The following DCTN5 variants were observed in gnomAD, a reference collection of about 807,000 sequenced individuals.
The protein encoded by DCTN5 is dynactin 4.
DCTN5 carries 14 observed loss-of-function variants against 23.5 expected under a neutral mutation model. The observed-to-expected ratio is 0.60, with a 90% CI of 0.39 to 0.93. The LOEUF (loss-of-function observed/expected upper bound fraction) is 0.93, where lower values mean the gene tolerates loss of function less well. Among genes scored for constraint, DCTN5 ranks in the 40% least tolerant of loss-of-function variants. The pLI is 0.00. For missense variants in DCTN5, 156 were observed against 225.9 expected (o/e 0.69, Z 1.98); for synonymous variants, 67 against 79.6 (o/e 0.84, Z 0.84).
intron 1 of DCTN5, 122 bp downstream of exon 1, chr16:23,641,712 T>G (rs1967268013): frequency 5.1e-6 from 5 of 989,076 alleles, no homozygotes; most frequent in Non-Finnish European, 7.8e-6. Flanking sequence ...AGTCCCGGAT[T>G]ATCTAGCGAT....
chr16:23,646,532 T>C (rs755864031), intron 2 of DCTN5, among the ~76,000 whole-genome samples: 1 of 152,172 alleles, frequency 6.6e-6, no homozygotes, highest in Non-Finnish European at 1.5e-5. Flanking sequence ...AGAGCGTTAA[T>C]GGTCTTAGTG....
At chr16:23,658,820 G>T (rs532024266) in intron 3 of DCTN5, among the ~76,000 whole-genome samples, 195 bp downstream of exon 3, 1 of 152,146 alleles carries the variant, frequency 6.6e-6, no homozygotes. Flanking sequence ...AACAGAATCC[G>T]CTTACACACT....
At chr16:23,642,353 CAT>C (rs1256233384) in intron 1 of DCTN5, among the ~76,000 whole-genome samples, 2 of 152,234 alleles carry the variant, frequency 1.3e-5, no homozygotes, top group East Asian at 1.9e-4. Flanking sequence ...CTCTGATACT[CAT>C]AGTCATTATC....
rs1967302474 is a variant in DCTN5, at chr16:23,642,315, T to G, written c.49-640T>G. Among the ~76,000 whole-genome samples, 2 of 152,186 alleles carry G rather than the reference T, an allele frequency of 1.3e-5. 1 individual carries two copies. Among genetic ancestry groups the G allele is most frequent in the South Asian group, 4.1e-4 (2 of 4,830 alleles). ...AGTGGTCAATTAACGTTACTATCGT[T>G]ATTTTGGTTTTCTTTGCTTTCTCAC... On this transcript the variant is annotated intron_variant, in intron 1 of 5. Coordinates refer to ENST00000300087, the MANE Select transcript of DCTN5 (RefSeq NM_032486.4).
chr16:23,642,688 T>C (rs1261808225), intron 1 of DCTN5: 1 of 362,282 alleles, frequency 2.8e-6, no homozygotes, highest in Non-Finnish European at 5.0e-6. Context: ...GGTCTCACTA[T>C]GTTGCCTAGG....
At chr16:23,663,621 C>T (rs1403072349) in intron 4 of DCTN5, among the ~76,000 whole-genome samples, 1 of 151,542 alleles carries the variant, frequency 6.6e-6, no homozygotes, top group African/African-American at 2.4e-5. Context: ...GAGGCTGAAA[C>T]AGGAGAATCG....
intron 5 of DCTN5, chr16:23,666,473 C>T (rs1967908563): frequency 6.5e-6 from 1 of 153,912 alleles, no homozygotes; most frequent in Admixed American, 6.4e-5. Context: ...ATACGTACTT[C>T]TCTCAGAAAA....
In DCTN5 at chr16:23,666,043, C is replaced by T. The variant is rs1229572596; in HGVS notation, c.451+315C>T. 5 of 264,536 alleles carry T rather than the reference C, an allele frequency of 1.9e-5. No individual in the cohort carries two copies. In the East Asian group the frequency reaches 3.7e-4, roughly 20 times the overall value. 16.4% of individuals were successfully genotyped at this position (264,536 alleles called of 1,614,324 possible). A position where few individuals can be genotyped will look rare whatever the true frequency, so the allele number is the denominator to read the frequency against. On this transcript the variant is annotated intron_variant, in intron 5 of 5. Transcript: ENST00000300087. The stretch of plus-strand genomic sequence containing the variant: ...GTGATTTGAGGGGTGATACTCATGT[C>T]GGGATGGAAATAAAGCCTTGGATCC...
intron 2 of DCTN5, among the ~76,000 whole-genome samples, chr16:23,643,251 G>A (rs1392256827): frequency 3.3e-5 from 5 of 151,662 alleles, no homozygotes; most frequent in African/African-American, 1.2e-4. Context: ...GAGTGCAGTG[G>A]CCCCATCTCA....
intron 2 of DCTN5, among the ~76,000 whole-genome samples, chr16:23,656,396 C>T (rs1967704513): frequency 6.6e-6 from 1 of 152,188 alleles, no homozygotes; most frequent in East Asian, 1.9e-4. Flanking sequence ...CATGATGCTG[C>T]ACACATTGTA....
In DCTN5 at chr16:23,642,896, C is replaced by T. The variant is rs1163752663; in HGVS notation, c.49-59C>T. ...CAAATGGGAGCTTTCTTGATGGAAA[C>T]CTGTAGTCCAGAAACCTATTAAGTT... is the stretch of plus-strand genomic sequence containing the variant. On this transcript the variant is annotated intron_variant, in intron 1 of 5. Transcript: ENST00000300087. The T allele has an allele frequency of 3.4e-6, 5 of 1,468,518 alleles. No individual in the cohort carries two copies. In the African/African-American group the frequency reaches 5.6e-5, roughly 16 times the overall value. The allele number at this position is 1,468,518 out of a possible 1,614,324, so 91.0% of individuals were successfully genotyped here.
At position 23,671,877 on chromosome 16, in the gene DCTN5, C is replaced by CCATTGGG. The variant is rs1162199816; in HGVS notation, c.*4743_*4749dup. 7.2e-5 allele frequency: 11 copies of CCATTGGG among 152,350 alleles called. No homozygotes were observed. Among genetic ancestry groups the CCATTGGG allele is most frequent in the Admixed American group, 6.5e-4 (10 of 15,306 alleles). The allele number at this position is 152,350 out of a possible 1,614,324, so 9.4% of individuals were successfully genotyped here. A position where few individuals can be genotyped will look rare whatever the true frequency, so the allele number is the denominator to read the frequency against. On this transcript the variant is annotated 3_prime_UTR_variant, in exon 6 of 6. Transcript: ENST00000300087. ...CCTGGACTTTTCTGTATCTTCACAT[C>CCATTGGG]CATTGGGCATTGGGCAAATGGGTCA...
rs1293155709 is a variant in DCTN5, at chr16:23,668,350, C to T, written c.*1206C>T. On this transcript the variant is annotated 3_prime_UTR_variant, in exon 6 of 6. Coordinates refer to ENST00000300087, the MANE Select transcript of DCTN5 (RefSeq NM_032486.4). ...ACAAAACAGCTGTATGTAATCATTG[C>T]CACTAGTTCCATCTAGAACTCCTTT... 1 of 152,180 alleles carries T rather than the reference C, an allele frequency of 6.6e-6. No individual in the cohort carries two copies. Among genetic ancestry groups the T allele is most frequent in the Non-Finnish European group, 1.5e-5 (1 of 68,034 alleles). 9.4% of individuals were successfully genotyped at this position (152,180 alleles called of 1,614,324 possible).
In DCTN5 at chr16:23,674,720, A is replaced by G. The variant is rs1193722179; in HGVS notation, c.*7576A>G. ...TAAACACATTTTGAAATTTTTAAAAATTCAGGGTTTCATCCTTTATTAGTT... is the reference window on the plus strand; with the variant it reads ...TAAACACATTTTGAAATTTTTAAAAGTTCAGGGTTTCATCCTTTATTAGTT... On this transcript the variant is annotated 3_prime_UTR_variant, in exon 6 of 6. Coordinates refer to ENST00000300087, the MANE Select transcript of DCTN5 (RefSeq NM_032486.4). 6.6e-6 allele frequency: 1 copy of G among 152,236 alleles called. No individual in the cohort carries two copies. The highest frequency in any genetic ancestry group is 1.5e-5 in the Non-Finnish European group (1 of 68,036). 9.4% of individuals were successfully genotyped at this position (152,236 alleles called of 1,614,324 possible).
chr16:23,659,250 A>T (rs1041663887), intron 3 of DCTN5, among the ~76,000 whole-genome samples: 1 of 152,214 alleles, frequency 6.6e-6, no homozygotes, highest in South Asian at 2.1e-4. Context: ...GGCAGAGTCA[A>T]GTCAGGTCCA....
intron 2 of DCTN5, 127 bp downstream of exon 2, chr16:23,643,150 T>A (rs1967339267): frequency 1.3e-6 from 1 of 779,236 alleles, no homozygotes; most frequent in Non-Finnish European, 2.1e-6. Context: ...TCTCTTGTTT[T>A]TAAATTTTTT....
chr16:23,650,604 C>T (rs940506499), intron 2 of DCTN5, among the ~76,000 whole-genome samples: 6 of 151,830 alleles, frequency 4.0e-5, no homozygotes, highest in African/African-American at 1.5e-4. Flanking sequence ...GGATTACAGG[C>T]ATGAGCCACT....
Position 23,670,410 on chromosome 16 carries a change from T to C in DCTN5, c.*3266T>C, listed in dbSNP as rs1464287392. The stretch of plus-strand genomic sequence containing the variant: ...TTGAAATTAATCAGACAAACATTGT[T>C]CATAGTTAACATATCCTTGGAAGTT... On this transcript the variant is annotated 3_prime_UTR_variant, in exon 6 of 6. Coordinates refer to ENST00000300087, the MANE Select transcript of DCTN5 (RefSeq NM_032486.4). 6.6e-6 allele frequency: 1 copy of C among 152,162 alleles called. No individual in the cohort carries two copies. Among genetic ancestry groups the C allele is most frequent in the East Asian group, 1.9e-4 (1 of 5,196 alleles). 9.4% of individuals were successfully genotyped at this position (152,162 alleles called of 1,614,324 possible). A position where few individuals can be genotyped will look rare whatever the true frequency, so the allele number is the denominator to read the frequency against.
At chr16:23,644,547 G>C (rs1234008719) in intron 2 of DCTN5, among the ~76,000 whole-genome samples, 1 of 151,764 alleles carries the variant, frequency 6.6e-6, no homozygotes, top group Non-Finnish European at 1.5e-5. Context: ...TGATCCACCT[G>C]CCTTGTCCTC....
Sources: gnomAD v4.1 joint callset for allele counts (sites outside exome capture counted in the v4.1 genomes callset) on GRCh38, gnomAD v4.1.1 for gene constraint, MANE v1.5 for transcripts, NCBI Gene and HGNC (gene_info 2026-07-23, HGNC 2026-07-21) for gene names.